Variants in DNAI7 observed in about 807,000 individuals in gnomAD.
The protein encoded by DNAI7 is dynein axonemal intermediate chain 7.
Under a neutral mutation model 86.6 loss-of-function variants are expected in DNAI7, and 78 were observed. That is an observed-to-expected ratio of 0.90 (90% CI 0.75 to 1.09). The LOEUF (loss-of-function observed/expected upper bound fraction) is 1.09. DNAI7 is among the 50% of genes least tolerant of loss of function. The probability of loss-of-function intolerance (pLI) is 0.00; values close to 1 mark genes in which losing one functional copy is unlikely to be tolerated. For synonymous variants in DNAI7, 274 were observed against 273.0 expected (o/e 1.00, Z -0.04); for missense variants, 753 against 810.2 (o/e 0.93, Z 0.86).
chr12:25,146,977 G>T, intron 8 of DNAI7, 24 bp downstream of exon 8: 1 of 1,184,456 alleles, frequency 8.4e-7, no homozygotes, highest in Non-Finnish European at 1.3e-6. Context: ...CCACCTACAG[G>T]GAAAGTATTG....
intron 6 of DNAI7, among the ~76,000 whole-genome samples, 163 bp downstream of exon 6, chr12:25,154,156 T>C (rs1359691998): frequency 1.3e-5 from 2 of 152,074 alleles, no homozygotes; most frequent in African/African-American, 2.4e-5. Flanking sequence ...TTAGGACTTG[T>C]AAAAAAGAAA....
At chr12:25,182,956 AGGAAGGG>A (rs1949681048) in intron 2 of DNAI7, among the ~76,000 whole-genome samples, 4 of 150,032 alleles carry the variant, frequency 2.7e-5, no homozygotes, top group South Asian at 2.2e-4. Context: ...GGAGGAAGGG[AGGAAGGG>A]AGGAAGGGAG....
chr12:25,192,712 G>A (rs4356326), intron 1 of DNAI7: 17,422 of 151,640 alleles, frequency 0.11, 1,341 homozygotes, highest in Admixed American at 0.16. Context: ...CCAGCTACTC[G>A]GGAGGCTGAG....
chr12:25,156,556 A>G (rs144199416), intron 4 of DNAI7, among the ~76,000 whole-genome samples: 125 of 152,046 alleles, frequency 8.2e-4, no homozygotes, highest in African/African-American at 2.8e-3. Context: ...AGAGTTCGAG[A>G]TCAGCCTGGC....
At position 25,112,128 on chromosome 12, in the gene DNAI7, T is replaced by C. The variant is rs190018826; in HGVS notation, c.1612-189A>G. Among the ~76,000 whole-genome samples, 11 of 152,326 alleles carry C rather than the reference T, an allele frequency of 7.2e-5. No individual in the cohort carries two copies. In the East Asian group the frequency reaches 1.5e-3, roughly 21 times the overall value. ...CTGACACAAAGTCCCCATGTTATGT[T>C]AAGCAGTTTACTAACTCTTTTTGGG... On this transcript the variant is annotated intron_variant, in intron 13 of 15. Coordinates refer to ENST00000395987, the MANE Select transcript of DNAI7 (RefSeq NM_018272.5).
intron 15 of DNAI7, among the ~76,000 whole-genome samples, chr12:25,109,341 GGA>G (rs1382877797): frequency 6.6e-6 from 1 of 152,166 alleles, no homozygotes; most frequent in African/African-American, 2.4e-5. Flanking sequence ...CCCTCTCAGA[GGA>G]GAGGGGCTGT....
chr12:25,180,168 AC>A (rs1381196357), intron 2 of DNAI7, among the ~76,000 whole-genome samples: 1 of 152,158 alleles, frequency 6.6e-6, no homozygotes. Flanking sequence ...CAAATCAAGA[AC>A]TCAATCCCAT....
intron 6 of DNAI7, among the ~76,000 whole-genome samples, chr12:25,153,884 A>G (rs1449927587): frequency 1.3e-5 from 2 of 152,160 alleles, no homozygotes; most frequent in African/African-American, 2.4e-5. Flanking sequence ...TCCTATTTGC[A>G]GGAACAAAAG....
intron 4 of DNAI7, among the ~76,000 whole-genome samples, chr12:25,156,868 C>T (rs947214627): frequency 6.6e-6 from 1 of 152,106 alleles, no homozygotes; most frequent in Non-Finnish European, 1.5e-5. Context: ...ACTTTTCAAG[C>T]AAGCAACACA....
intron 2 of DNAI7, among the ~76,000 whole-genome samples, chr12:25,163,232 A>T (rs760471691): frequency 6.6e-6 from 1 of 152,228 alleles, no homozygotes; most frequent in Admixed American, 6.5e-5. Flanking sequence ...TCTGAGCCCA[A>T]GCTAAGCCAT....
downstream of DNAI7, among the ~76,000 whole-genome samples, chr12:25,107,579 T>C (rs1949277633): frequency 6.7e-6 from 1 of 150,202 alleles, no homozygotes; most frequent in Non-Finnish European, 1.5e-5. Context: ...TAGAAGATAC[T>C]GCCTACATCA....
At chr12:25,136,249 A>G (rs1325989969) in intron 9 of DNAI7, among the ~76,000 whole-genome samples, 1 of 152,096 alleles carries the variant, frequency 6.6e-6, no homozygotes, top group Admixed American at 6.5e-5. Context: ...CTTTGCAGAC[A>G]CTCCGCAGTA....
chr12:25,166,426 C>A (rs1010008963), intron 2 of DNAI7, among the ~76,000 whole-genome samples: 2 of 152,136 alleles, frequency 1.3e-5, no homozygotes, highest in African/African-American at 4.8e-5. Flanking sequence ...CCTTTGCACC[C>A]TTCATCCCAG....
chr12:25,114,514 G>C (rs1465170308), intron 13 of DNAI7, 142 bp downstream of exon 13: 1 of 579,344 alleles, frequency 1.7e-6, no homozygotes, highest in Non-Finnish European at 3.1e-6. Context: ...TATAGCTCAA[G>C]GTACATTTTT....
intron 1 of DNAI7, among the ~76,000 whole-genome samples, chr12:25,194,035 TGG>T (rs1028688983): frequency 6.6e-5 from 10 of 152,184 alleles, no homozygotes; most frequent in African/African-American, 2.2e-4. Context: ...TTGACCAGGC[TGG>T]TCTCGAACTC....
At chr12:25,109,034 T>A (rs1161603049) in intron 15 of DNAI7, among the ~76,000 whole-genome samples, 2 of 152,176 alleles carry the variant, frequency 1.3e-5, no homozygotes, top group Non-Finnish European at 2.9e-5. Context: ...TATTAATTCA[T>A]GCAACAAATA....
At chr12:25,126,532 C>G (rs1188179919) in intron 9 of DNAI7, among the ~76,000 whole-genome samples, 2 of 151,854 alleles carry the variant, frequency 1.3e-5, no homozygotes, top group African/African-American at 4.8e-5. Flanking sequence ...TGAGGAGGGA[C>G]TGGATATAAA....
intron 2 of DNAI7, among the ~76,000 whole-genome samples, chr12:25,173,951 A>ATATATAT (rs1565807850): frequency 1.5e-4 from 21 of 143,254 alleles, no homozygotes; most frequent in African/African-American, 4.2e-4. Flanking sequence ...TATATGGAAT[A>ATATATAT]CATATATCAT....
chr12:25,166,843 T>C (rs1278262665), intron 2 of DNAI7, among the ~76,000 whole-genome samples: 1 of 152,160 alleles, frequency 6.6e-6, no homozygotes, highest in Non-Finnish European at 1.5e-5. Context: ...CAAACTATGC[T>C]CAATTCACTC....
Sources: gnomAD v4.1 joint callset for allele counts (sites outside exome capture counted in the v4.1 genomes callset) on GRCh38, gnomAD v4.1.1 for gene constraint, MANE v1.5 for transcripts, NCBI Gene and HGNC (gene_info 2026-07-23, HGNC 2026-07-21) for gene names.